The following GTPBP2 variants were observed in gnomAD, a reference collection of about 807,000 sequenced individuals.
The protein encoded by GTPBP2 is GTP-binding protein 2.
A neutral mutation model predicts 63.0 loss-of-function variants in GTPBP2; 32 were observed. The observed-to-expected ratio is 0.51, with a 90% CI of 0.38 to 0.68. GTPBP2 has a LOEUF of 0.68. GTPBP2 is among the 30% of genes least tolerant of loss of function. The pLI, the probability that GTPBP2 is intolerant of heterozygous loss-of-function variation, is 0.00. For synonymous variants in GTPBP2, 310 were observed against 322.6 expected (o/e 0.96, Z 0.42); for missense variants, 492 against 796.9 (o/e 0.62, Z 4.61).
chr6:43,627,226 G>C (rs911928113), intron 1 of GTPBP2: 87 of 1,026,768 alleles, frequency 8.5e-5, no homozygotes, highest in Non-Finnish European at 1.0e-4. Context: ...CTGGCAGCAC[G>C]TTCTTCCTAG....
At chr6:43,627,005 C>T in intron 1 of GTPBP2, 57 bp from the exon 2 acceptor site, 1 of 1,458,468 alleles carries the variant, frequency 6.9e-7, no homozygotes. Flanking sequence ...CCCTACTTCC[C>T]CTCAATTCCC....
chr6:43,626,198 G>T lies in GTPBP2; in HGVS notation c.398+28C>A. 6.2e-7 allele frequency: 1 copy of T among 1,604,168 alleles called. No individual in the cohort carries two copies. On this transcript the variant is annotated intron_variant, in intron 3 of 11. Transcript: ENST00000307126. The surrounding 1 kb of genome is among the most constrained non-coding windows in gnomAD (Gnocchi z 4.0). ...ATGGGTCCCCCCAAGTCAGGTAAAG[G>T]AGAACTGGTGGGGAAGGGGAAGCAT...
chr6:43,628,868 T>C (rs542713968), intron 1 of GTPBP2, 109 bp downstream of exon 1: 3 of 1,218,842 alleles, frequency 2.5e-6, no homozygotes, highest in African/African-American at 3.0e-5. Flanking sequence ...CCCTCCTCCC[T>C]GGGGTCTCGA....
intron 1 of GTPBP2, chr6:43,628,370 T>A (rs139788121): frequency 0.032 from 5,261 of 165,400 alleles, 271 homozygotes; most frequent in African/African-American, 0.11. Flanking sequence ...TCAAAAAAAA[T>A]AAATAAATAA....
Position 43,624,879 on chromosome 6 carries a change from G to T in GTPBP2, c.880+9C>A. On this transcript the variant is annotated intron_variant, in intron 6 of 11. Transcript: ENST00000307126. The surrounding 1 kb of genome is among the most constrained non-coding windows in gnomAD (Gnocchi z 5.1). ...CCTTCAGCCCTGTCCCTGCCCTAAT[G>T]CCTCGTACCAATCCCAGTGTTGGCA... The T allele has an allele frequency of 6.2e-7, 1 of 1,613,638 alleles. No individual in the cohort carries two copies. Among genetic ancestry groups the T allele is most frequent in the Non-Finnish European group, 8.5e-7 (1 of 1,179,652 alleles).
Position 43,622,689 on chromosome 6 carries a change from C to A in GTPBP2, c.1411G>T (p.Ala471Ser). The A allele has an allele frequency of 6.2e-7, 1 of 1,614,196 alleles. No homozygotes were observed. The highest frequency in any genetic ancestry group is 8.5e-7 in the Non-Finnish European group (1 of 1,180,008). ...RNRSACRVLR[A>S]GQAATLALGD... ...AGCGCCAGTGTAGCAGCCTGACCAG[C>A]TCGCAGCACACGACAGGCAGAGCGG... Residue 471 changes from alanine (A) to serine (S), a missense_variant, in exon 10 of 12, where the codon GCT becomes TCT. By Grantham distance (99) the Ala-to-Ser change is moderately conservative (BLOSUM62 1). Coordinates refer to ENST00000307126, the MANE Select transcript of GTPBP2 (RefSeq NM_019096.5). This position sits in a 1 kb window ranked among gnomAD's most constrained non-coding sequence, Gnocchi z 5.4.
intron 1 of GTPBP2, 102 bp downstream of exon 1, chr6:43,628,875 T>A: frequency 1.5e-6 from 2 of 1,297,002 alleles, no homozygotes; most frequent in Non-Finnish European, 2.2e-6. Context: ...CCCTGGGGTC[T>A]CGACACCGGA....
chr6:43,627,861 AAGG>A lies in GTPBP2; in HGVS notation c.187-916_187-914del, dbSNP rs201168522. On this transcript the variant is annotated intron_variant, in intron 1 of 11. Transcript: ENST00000307126. ...CATAATCTCCACTTCATGGTGTGTT[AAGG>A]AGATTATTTTTTTTCCCCATCAATA... Among the ~76,000 whole-genome samples, 1,092 of 152,224 alleles carry A rather than the reference AAGG, an allele frequency of 7.2e-3. 14 individuals are homozygous for A. The highest frequency in any genetic ancestry group is 0.025 in the African/African-American group (1,046 of 41,488).
rs767105036 is a variant in GTPBP2, at chr6:43,622,789, C to T, written c.1311G>A (p.Glu437=). Residue 437 remains glutamate, a synonymous_variant, in exon 10 of 12, where the codon GAG becomes GAA. Coordinates refer to ENST00000307126, the MANE Select transcript of GTPBP2 (RefSeq NM_019096.5). The surrounding 1 kb of genome is among the most constrained non-coding windows in gnomAD (Gnocchi z 5.4). ...TGGGGCCCACCACCAGCTGGTCCCC[C>T]TCACGGCAAATCCCACTGCAGCCCA... The part of the protein sequence containing the change: ...GGTLSSGICR[E]GDQLVVGPTD... 3.1e-6 allele frequency: 5 copies of T among 1,613,392 alleles called. No homozygotes were observed. Among genetic ancestry groups the T allele is most frequent in the Non-Finnish European group, 4.2e-6 (5 of 1,179,518 alleles).
chr6:43,628,491 T>C, intron 1 of GTPBP2: 1 of 832,194 alleles, frequency 1.2e-6, no homozygotes. Flanking sequence ...TGTGTGTGTG[T>C]GTGTGTGTGT....
rs1769730328 is a variant in GTPBP2 at position 43,629,218 on chromosome 6, C to T, written c.-56G>A. 1.6e-6 allele frequency: 2 copies of T among 1,225,690 alleles called. No homozygotes were observed. The highest frequency in any genetic ancestry group is 1.6e-5 in the African/African-American group (1 of 62,356). 75.9% of individuals were successfully genotyped at this position (1,225,690 alleles called of 1,614,324 possible). A position where few individuals can be genotyped will look rare whatever the true frequency, so the allele number is the denominator to read the frequency against. On this transcript the variant is annotated 5_prime_UTR_variant, in exon 1 of 12. Transcript: ENST00000307126. The stretch of plus-strand genomic sequence containing the variant: ...CCTCCCCCGACCGCCGCCGCCGTCG[C>T]CGCCGCCCTTACTGCCACTGCCGTG...
chr6:43,622,706 G>C lies in GTPBP2; in HGVS notation c.1394C>G (p.Ala465Gly). The C allele has an allele frequency of 6.2e-7, 1 of 1,614,132 alleles. No individual in the cohort carries two copies. ...RVCSIQRNRSACRVLRAGQAA... is the reference protein window; with the variant it reads ...RVCSIQRNRSGCRVLRAGQAA... The stretch of plus-strand genomic sequence containing the variant: ...CTGACCAGCTCGCAGCACACGACAG[G>C]CAGAGCGGTTGCGCTGGATGCTGCA... Residue 465 changes from alanine to glycine, a missense_variant, in exon 10 of 12, where the codon GCC (alanine) becomes GGC (glycine). By Grantham distance (60) the Ala-to-Gly change is moderately conservative. This residue lies in a region of GTPBP2 where 400 missense variants were observed against 710.8 expected (regional missense o/e 0.56). Transcript: ENST00000307126. This position sits in a 1 kb window ranked among gnomAD's most constrained non-coding sequence, Gnocchi z 5.4.
chr6:43,623,661 T>C (rs1278303602), intron 9 of GTPBP2, 76 bp downstream of exon 9: 8 of 1,066,932 alleles, frequency 7.5e-6, no homozygotes, highest in Non-Finnish European at 1.2e-5. Context: ...TTCCAGGGTC[T>C]CCTCCTTTGG....
At position 43,629,134 on chromosome 6, in the gene GTPBP2, C is replaced by A. The variant is rs758452379; in HGVS notation, c.29G>T (p.Gly10Val). 1 of 1,515,526 alleles carries A rather than the reference C, an allele frequency of 6.6e-7. No individual in the cohort carries two copies. The allele number at this position is 1,515,526 out of a possible 1,614,324, so 93.9% of individuals were successfully genotyped here. ...GCCCCCTCCGGGCCGGCAGCAGCCGCCGAACAGCTCCGATACCCGCGAGTC... is the reference window on the plus strand; with the variant it reads ...GCCCCCTCCGGGCCGGCAGCAGCCGACGAACAGCTCCGATACCCGCGAGTC... MDSRVSELFGGCCRPGGGPA... is the reference protein window; with the variant it reads MDSRVSELFVGCCRPGGGPA... Residue 10 changes from glycine to valine, a missense_variant, in exon 1 of 12, where the codon GGC becomes GTC. Gly to Val is a moderately radical substitution (Grantham distance 109). Around this residue, in one of 2 missense-constraint regions of GTPBP2, gnomAD observed 92 missense variants for 86.1 expected, o/e 1.07. Transcript: ENST00000307126.
upstream of GTPBP2, chr6:43,629,666 G>A: frequency 7.0e-7 from 1 of 1,434,520 alleles, no homozygotes; most frequent in Non-Finnish European, 9.6e-7. Context: ...CTAGACAACA[G>A]GTTTTGGACC....
chr6:43,629,205 G>A lies in GTPBP2; in HGVS notation c.-43C>T, dbSNP rs768109719. 12 of 951,272 alleles carry A rather than the reference G, an allele frequency of 1.3e-5. No homozygotes were observed. The highest frequency in any genetic ancestry group is 2.0e-5 in the African/African-American group (1 of 50,186). 58.9% of individuals were successfully genotyped at this position (951,272 alleles called of 1,614,324 possible). On this transcript the variant is annotated 5_prime_UTR_variant, in exon 1 of 12. Coordinates refer to ENST00000307126, the MANE Select transcript of GTPBP2 (RefSeq NM_019096.5). The stretch of plus-strand genomic sequence containing the variant: ...CCCCCGCCCGGCCCCTCCCCCGACC[G>A]CCGCCGCCGTCGCCGCCGCCCTTAC...
In GTPBP2 at chr6:43,621,449, C is replaced by A. The variant is rs1768709272; in HGVS notation, c.*165G>T. ...TCAGGACTGCCCTTTCCTGGCCACACCAAGTTTGGCACCTCTCCAGAAAGT... is the reference window on the plus strand; with the variant it reads ...TCAGGACTGCCCTTTCCTGGCCACAACAAGTTTGGCACCTCTCCAGAAAGT... On this transcript the variant is annotated 3_prime_UTR_variant, in exon 12 of 12. Transcript: ENST00000307126. 2 of 1,547,846 alleles carry A rather than the reference C, an allele frequency of 1.3e-6. No individual in the cohort carries two copies. Among genetic ancestry groups the A allele is most frequent in the African/African-American group, 2.7e-5 (2 of 73,130 alleles).
At chr6:43,628,494 GT>G in intron 1 of GTPBP2, 4 of 844,002 alleles carry the variant, frequency 4.7e-6, no homozygotes, top group Non-Finnish European at 4.3e-6. Context: ...GTGTGTGTGT[GT>G]GTGTGTGTGT....
chr6:43,629,001 G>C lies in GTPBP2; in HGVS notation c.162C>G (p.Asn54Lys), dbSNP rs767864327. The change falls in exon 1 of 12, where the codon AAC becomes AAG. Residue 54 changes from asparagine to lysine, a missense_variant. By Grantham distance (94) the Asn-to-Lys change is moderately conservative (BLOSUM62 0). This residue lies in a region of GTPBP2 where 92 missense variants were observed against 86.1 expected (regional missense o/e 1.07). Coordinates refer to ENST00000307126, the MANE Select transcript of GTPBP2 (RefSeq NM_019096.5). ...CCTCGGGGGGCAAATACGGGGGGTT[G>C]TTGGCTTTGCCCCCTCTGTTCCTTC... ...KNGRNRGGKA[N>K]NPPYLPPEAE... 15 of 1,613,814 alleles carry C rather than the reference G, an allele frequency of 9.3e-6. 1 individual carries two copies. In the South Asian group the frequency reaches 1.6e-4, roughly 18 times the overall value.
Sources: gnomAD v4.1 joint callset for allele counts (sites outside exome capture counted in the v4.1 genomes callset) on GRCh38, gnomAD v4.1.1 for gene constraint, gnomAD v4.1.1 regional missense constraint, Gnocchi (gnomAD v3.1) non-coding constraint, MANE v1.5 for transcripts, NCBI Gene and HGNC (gene_info 2026-07-23, HGNC 2026-07-21) for gene names.